The following LAX1 variants were observed in gnomAD, a reference collection of about 807,000 sequenced individuals.
LAX1 encodes lymphocyte transmembrane adapter 1.
In LAX1, 17 loss-of-function variants were observed where a neutral mutation model predicts 20.7. The observed-to-expected ratio is 0.82, with a 90% confidence interval of 0.56 to 1.23. The LOEUF (loss-of-function observed/expected upper bound fraction) is 1.23, where lower values mean the gene tolerates loss of function less well. Among genes scored for constraint, LAX1 ranks in the 50% most tolerant of loss-of-function variants. The pLI is 0.00. For synonymous variants in LAX1, 165 were observed against 181.0 expected, an observed-to-expected ratio of 0.91 and a Z score of 0.71; for missense variants, 470 against 487.0, an observed-to-expected ratio of 0.97 and a Z score of 0.33.
At chr1:203,769,378 C>T (rs956704089) in intron 1 of LAX1, among the ~76,000 whole-genome samples, 3 of 129,124 alleles carry the variant, frequency 2.3e-5, no homozygotes, top group East Asian at 2.2e-4. Context: ...AGCGACACAG[C>T]GAGACTCTGT....
At position 203,772,051 on chromosome 1, in the gene LAX1, G is replaced by T; in HGVS notation, c.311-17G>T. On this transcript the variant is annotated splice_polypyrimidine_tract_variant and intron_variant, in intron 3 of 4. Coordinates refer to ENST00000442561, the MANE Select transcript of LAX1 (RefSeq NM_017773.4). ...AGAGGACTGGCTATCTTCAGGATTT[G>T]TTCTCTGTCCTTTCAGGGAGACATG... 5 of 1,605,166 alleles carry T rather than the reference G, an allele frequency of 3.1e-6. No individual in the cohort carries two copies. Among genetic ancestry groups the T allele is most frequent in the Middle Eastern group, 1.7e-4 (1 of 6,044 alleles).
rs577463273 is a variant in LAX1, at chr1:203,765,209, C to T, written c.-357C>T. On this transcript the variant is annotated 5_prime_UTR_variant, in exon 1 of 5. It adds an upstream start codon to the 5' untranslated region. Coordinates refer to ENST00000442561, the MANE Select transcript of LAX1 (RefSeq NM_017773.4). ...CTCTGCTTTGGGTGTTGAAGGAAGACGAGCTTCTCACGGAGCCTCTCTTGA... is the reference window on the plus strand; with the variant it reads ...CTCTGCTTTGGGTGTTGAAGGAAGATGAGCTTCTCACGGAGCCTCTCTTGA... 65 of 739,456 alleles carry T rather than the reference C, an allele frequency of 8.8e-5. No individual in the cohort carries two copies. The highest frequency in any genetic ancestry group is 2.7e-4 in the East Asian group (10 of 37,150). 45.8% of individuals were successfully genotyped at this position (739,456 alleles called of 1,614,324 possible).
In LAX1 at chr1:203,765,454, A is replaced by G. The variant is rs1195045655; in HGVS notation, c.-112A>G. The G allele has an allele frequency of 5.8e-6, 9 of 1,560,766 alleles. No homozygotes were observed. Among genetic ancestry groups the G allele is most frequent in the Non-Finnish European group, 7.0e-6 (8 of 1,150,860 alleles). On this transcript the variant is annotated 5_prime_UTR_variant, in exon 1 of 5. The change creates a new upstream start codon in the 5' untranslated region. Transcript: ENST00000442561. Reference sequence around the variant, plus strand: ...GACGTTTCAGAGGTAGACACGAGATAGGGAGTTTGTTGCGGGGGTGGGGAG... The same window carrying G: ...GACGTTTCAGAGGTAGACACGAGATGGGGAGTTTGTTGCGGGGGTGGGGAG...
At position 203,772,143 on chromosome 1, in the gene LAX1, A is replaced by T; in HGVS notation, c.386A>T (p.His129Leu). Residue 129 changes from histidine to leucine, a missense_variant, in exon 4 of 5, where the codon CAT (histidine) becomes CTT (leucine). Physicochemically the swap from His to Leu is moderately conservative, Grantham distance 99. Coordinates refer to ENST00000442561, the MANE Select transcript of LAX1 (RefSeq NM_017773.4). The stretch of plus-strand genomic sequence containing the variant: ...TCCAGAAATTCTGAGAGCCCGGAGC[A>T]TGTGGTAAGAGTCAAGCTTCTTGGG... ...LLSRNSESPE[H>L]VPSQAGNAFQ... The T allele has an allele frequency of 6.2e-7, 1 of 1,612,054 alleles. No homozygotes were observed. The highest frequency in any genetic ancestry group is 1.7e-4 in the Middle Eastern group (1 of 6,058).
chr1:203,769,480 A>G (rs1053743065), intron 1 of LAX1, among the ~76,000 whole-genome samples: 2 of 151,946 alleles, frequency 1.3e-5, no homozygotes, highest in Non-Finnish European at 2.9e-5. Flanking sequence ...AGTTGTATAA[A>G]TAAGCCTAAA....
chr1:203,772,225 T>G, intron 4 of LAX1, 78 bp downstream of exon 4: 1 of 1,124,642 alleles, frequency 8.9e-7, no homozygotes, highest in Non-Finnish European at 1.3e-6. Context: ...GGCTTAGATC[T>G]GGTTTCACTG....
At position 203,770,896 on chromosome 1, in the gene LAX1, C is replaced by T. The variant is rs115825386; in HGVS notation, c.158C>T (p.Ala53Val). 4.0e-3 allele frequency: 6,458 copies of T among 1,614,110 alleles called. 22 individuals are homozygous for T. Among genetic ancestry groups the T allele is most frequent in the Non-Finnish European group, 4.8e-3 (5,646 of 1,179,964 alleles). ...CTCCTCGCCATCCTCCTGGTCGTTGCGGTTTTCTGCATCTTGTGGAATTGG... is the reference window on the plus strand; with the variant it reads ...CTCCTCGCCATCCTCCTGGTCGTTGTGGTTTTCTGCATCTTGTGGAATTGG... ...AGLLAILLVV[A>V]VFCILWNWNK... Residue 53 changes from alanine (A) to valine (V), a missense_variant, in exon 2 of 5, where the codon GCG (alanine) becomes GTG (valine). By Grantham distance (64) the Ala-to-Val change is moderately conservative. Coordinates refer to ENST00000442561, the MANE Select transcript of LAX1 (RefSeq NM_017773.4).
At chr1:203,769,454 A>AAAG (rs759242546) in intron 1 of LAX1, among the ~76,000 whole-genome samples, 13,146 of 105,952 alleles carry the variant, frequency 0.12, 1,076 homozygotes, top group Non-Finnish European at 0.16. Flanking sequence ...GGAAAGAAAG[A>AAAG]AAAGAAAAGA....
chr1:203,765,623 A>C lies in LAX1; in HGVS notation c.58A>C (p.Thr20Pro). 1 of 1,614,090 alleles carries C rather than the reference A, an allele frequency of 6.2e-7. No homozygotes were observed. The highest frequency in any genetic ancestry group is 1.1e-5 in the South Asian group (1 of 91,066). The change falls in exon 1 of 5, where the codon ACT becomes CCT. Residue 20 changes from threonine (T) to proline (P), a missense_variant. Transcript: ENST00000442561. ...TIRGRTLESS[T>P]LHVTPRSLDR... ...CAGAGGGAGGACCTTGGAGTCCAGC[A>C]CTCTGCATGTGACTCCCCGCAGCCT...
At position 203,770,517 on chromosome 1, in the gene LAX1, G is replaced by GAA. The variant is rs879901773; in HGVS notation, c.90-309_90-308dup. On this transcript the variant is annotated intron_variant, in intron 1 of 4. Transcript: ENST00000442561. Reference sequence around the variant, plus strand: ...AGGAAGGAAGGAAGGAAGGAAGAAAGAAAGAAAGAAAGAAAGAAAGAAAGA... The same window carrying GAA: ...AGGAAGGAAGGAAGGAAGGAAGAAAGAAAAAGAAAGAAAGAAAGAAAGAAAGA... Among the ~76,000 whole-genome samples the GAA allele has an allele frequency of 1.6e-3, 195 of 122,898 alleles. 21 individuals carry two copies. Among genetic ancestry groups the GAA allele is most frequent in the East Asian group, 0.011 (26 of 2,396 alleles). The allele number at this position is 122,898 out of a possible 152,430, so 80.6% of individuals were successfully genotyped here. A position where few individuals can be genotyped will look rare whatever the true frequency, so the allele number is the denominator to read the frequency against.
intron 1 of LAX1, among the ~76,000 whole-genome samples, chr1:203,767,782 G>A (rs1328539574): frequency 6.6e-6 from 1 of 152,116 alleles, no homozygotes; most frequent in Non-Finnish European, 1.5e-5. Flanking sequence ...AGGTGAACAG[G>A]ATAAACAAGT....
chr1:203,768,299 G>A (rs752346306), intron 1 of LAX1, among the ~76,000 whole-genome samples: 1 of 152,010 alleles, frequency 6.6e-6, no homozygotes, highest in Non-Finnish European at 1.5e-5. Context: ...AAACAAAAGC[G>A]AAACTCCATC....
At position 203,765,411 on chromosome 1, in the gene LAX1, G is replaced by A; in HGVS notation, c.-155G>A. On this transcript the variant is annotated 5_prime_UTR_variant, in exon 1 of 5. The change abolishes an upstream ATG in the 5' untranslated region. Coordinates refer to ENST00000442561, the MANE Select transcript of LAX1 (RefSeq NM_017773.4). Reference sequence around the variant, plus strand: ...AGAACCAAACCTGTTGCTTTTGTATGTTGGGTCAACTTGGCCTGACGTTTC... The same window carrying A: ...AGAACCAAACCTGTTGCTTTTGTATATTGGGTCAACTTGGCCTGACGTTTC... The A allele has an allele frequency of 1.9e-6, 3 of 1,552,154 alleles. No individual in the cohort carries two copies. Among genetic ancestry groups the A allele is most frequent in the African/African-American group, 1.4e-5 (1 of 73,190 alleles).
intron 2 of LAX1, 136 bp downstream of exon 2, chr1:203,771,073 T>C: frequency 1.4e-6 from 1 of 728,390 alleles, no homozygotes; most frequent in Non-Finnish European, 2.4e-6. Context: ...CATTGGCCAT[T>C]GCCTCACTCA....
In LAX1 at chr1:203,773,958, C is replaced by T. The variant is rs1414690941; in HGVS notation, c.474C>T (p.Ala158=). The change falls in exon 5 of 5, where the codon GCC becomes GCT. Residue 158 remains alanine, a synonymous_variant. Transcript: ENST00000442561. ...ACGCGGTGGGTATCTATGACAACGC[C>T]ATGGTCCCCCAGATGTGTGGGAACC... is the stretch of plus-strand genomic sequence containing the variant. ...TEYAVGIYDN[A]MVPQMCGNLT... is the part of the protein sequence containing the mutation. The T allele has an allele frequency of 3.1e-6, 5 of 1,613,806 alleles. No homozygotes were observed. The highest frequency in any genetic ancestry group is 1.6e-4 in the Middle Eastern group (1 of 6,082).
chr1:203,774,327 A>AG lies in LAX1; in HGVS notation c.843_844insG (p.Arg282GlufsTer14). On this transcript the variant is annotated frameshift_variant, in exon 5 of 5. Transcript: ENST00000442561. LOFTEE classifies it low-confidence loss of function (END_TRUNC). ...GGTTGGATCTCAGTGCCATCCAGGA[A>AG]AGGCAGCTCTGGGTGGCTTTTCAGT... is the stretch of plus-strand genomic sequence containing the variant. 1 of 1,614,172 alleles carries AG rather than the reference A, an allele frequency of 6.2e-7. No homozygotes were observed. The highest frequency in any genetic ancestry group is 8.5e-7 in the Non-Finnish European group (1 of 1,180,026).
intron 2 of LAX1, 33 bp downstream of exon 2, chr1:203,770,970 A>T: frequency 6.7e-7 from 1 of 1,485,024 alleles, no homozygotes; most frequent in Non-Finnish European, 9.4e-7. Flanking sequence ...GTTGAGACAC[A>T]GTAGGATTAT....
chr1:203,769,397 A>AAAAGAAAGG (rs1553254196), intron 1 of LAX1, among the ~76,000 whole-genome samples: 20 of 76,758 alleles, frequency 2.6e-4, no homozygotes, highest in African/African-American at 1.0e-3. Context: ...GTCTCAAAAA[A>AAAAGAAAGG]AAAGAAAGAA....
Position 203,770,926 on chromosome 1 carries a change from A to C in LAX1, c.188A>C (p.Lys63Thr). 6.2e-7 allele frequency: 1 copy of C among 1,613,118 alleles called. No individual in the cohort carries two copies. Among genetic ancestry groups the C allele is most frequent in the Non-Finnish European group, 8.5e-7 (1 of 1,178,998 alleles). ...AVFCILWNWN[K>T]RKKRQVPYLR... is the part of the protein sequence containing the mutation. ...TTCTGCATCTTGTGGAATTGGAATA[A>C]ACGGAAGAAGCGTGAGTCCCTTGTT... Residue 63 changes from lysine to threonine, a missense_variant, in exon 2 of 5, where the codon AAA becomes ACA. Transcript: ENST00000442561.
Sources: allele counts gnomAD v4.1 joint callset (sites outside exome capture counted in the v4.1 genomes callset), GRCh38; gene constraint gnomAD v4.1.1; transcripts MANE v1.5; gene names NCBI Gene and HGNC (gene_info 2026-07-23, HGNC 2026-07-21).